The following NEK4 variants were observed in gnomAD, a reference collection of about 807,000 sequenced individuals.
NEK4 encodes the protein NIMA related kinase 4.
A neutral mutation model predicts 98.4 loss-of-function variants in NEK4; 86 were observed. The observed-to-expected ratio is 0.87, with a 90% CI of 0.73 to 1.05. NEK4 has a LOEUF of 1.05. Among genes scored for constraint, NEK4 ranks in the 50% least tolerant of loss-of-function variants. The probability of loss-of-function intolerance (pLI) is 0.00; values close to 1 mark genes in which losing one functional copy is unlikely to be tolerated. For synonymous variants in NEK4, 328 were observed against 342.2 expected (o/e 0.96, Z 0.46); for missense variants, 898 against 950.3 (o/e 0.94, Z 0.72).
Position 52,765,917 on chromosome 3 carries a change from ATT to A in NEK4, c.634_635del (p.Asn212PhefsTer8). The A allele has an allele frequency of 6.2e-7, 1 of 1,606,428 alleles. No individual in the cohort carries two copies. Among genetic ancestry groups the A allele is most frequent in the Non-Finnish European group, 8.5e-7 (1 of 1,173,084 alleles). On this transcript the variant is annotated frameshift_variant, in exon 4 of 16. Coordinates refer to ENST00000233027, the MANE Select transcript of NEK4 (RefSeq NM_003157.6). LOFTEE classifies it high-confidence loss of function. ...CTTCAATAATCCGATAAACTAAAGA[ATT>A]CATATCTTTTGCATTGAAAGCATGC... ...LKHAFNAKDMNSLVYRIIEGK... is the reference protein window; with the variant it reads ...LKHAFNAKDMXSLVYRIIEGK...
intron 15 of NEK4, among the ~76,000 whole-genome samples, chr3:52,724,211 G>A (rs1043001603): frequency 1.2e-4 from 17 of 140,374 alleles, no homozygotes; most frequent in South Asian, 4.4e-4. Context: ...CCACCCTGGG[G>A]ACAGTGAGAC....
At chr3:52,744,050 C>G (rs1444924035) in intron 11 of NEK4, among the ~76,000 whole-genome samples, 189 bp downstream of exon 11, 2 of 152,150 alleles carry the variant, frequency 1.3e-5, no homozygotes, top group Non-Finnish European at 2.9e-5. Flanking sequence ...ATATTTGAAC[C>G]ACATTCAACA....
intron 6 of NEK4, chr3:52,753,406 G>A (rs184256996): frequency 8.4e-6 from 3 of 356,126 alleles, no homozygotes; most frequent in African/African-American, 6.4e-5. Context: ...TAGGCAGCTG[G>A]GAACTCTACA....
chr3:52,748,157 C>T (rs372735287), intron 8 of NEK4, among the ~76,000 whole-genome samples: 13 of 150,118 alleles, frequency 8.7e-5, no homozygotes, highest in Non-Finnish European at 1.8e-4. Flanking sequence ...TTAGTAGAGA[C>T]GGCGTTTCAC....
At chr3:52,767,141 C>G (rs1698597362) in intron 2 of NEK4, among the ~76,000 whole-genome samples, 1 of 151,728 alleles carries the variant, frequency 6.6e-6, no homozygotes, top group Non-Finnish European at 1.5e-5. Flanking sequence ...CAAAAATTAG[C>G]TGGGCATGGT....
At chr3:52,712,536 G>A (rs2154101675) in intron 15 of NEK4, among the ~76,000 whole-genome samples, 1 of 152,338 alleles carries the variant, frequency 6.6e-6, no homozygotes, top group South Asian at 2.1e-4. Context: ...CAAGGACAGA[G>A]GGCTTTTGTA....
intron 1 of NEK4, 36 bp downstream of exon 1, chr3:52,770,618 C>CCCCCCCCCCCCCTGCCCG: frequency 6.9e-7 from 1 of 1,444,518 alleles, no homozygotes; most frequent in Non-Finnish European, 9.5e-7. Context: ...CACTTCTGCC[C>CCCCCCCCCCCCCTGCCCG]GCCCCCGCCC....
Position 52,768,352 on chromosome 3 carries a change from C to T in NEK4, c.346G>A (p.Ala116Thr), listed in dbSNP as rs1252996831. The T allele has an allele frequency of 6.2e-6, 10 of 1,614,120 alleles. No homozygotes were observed. Among genetic ancestry groups the T allele is most frequent in the South Asian group, 2.2e-5 (2 of 91,074 alleles). ...NQVVEWFVQIAMALQYLHEKH... is the reference protein window; with the variant it reads ...NQVVEWFVQITMALQYLHEKH... ...CTACACAGTACCTGCAAAGCCATGG[C>T]GATCTGTACAAACCACTCTACCACC... Residue 116 changes from alanine (A) to threonine (T), a missense_variant, in exon 2 of 16, where the codon GCC becomes ACC. Physicochemically the swap from Ala to Thr is moderately conservative, Grantham distance 58. Transcript: ENST00000233027.
At chr3:52,759,958 C>A (rs1698298149) in intron 6 of NEK4, among the ~76,000 whole-genome samples, 1 of 134,684 alleles carries the variant, frequency 7.4e-6, no homozygotes. Context: ...GTGGAAGACA[C>A]CAGAAACAAA....
intron 4 of NEK4, among the ~76,000 whole-genome samples, chr3:52,764,629 T>C (rs1467221367): frequency 2.7e-5 from 4 of 149,220 alleles, no homozygotes; most frequent in African/African-American, 9.9e-5. Context: ...AGACTCTGTC[T>C]CAAAAAAAAA....
intron 6 of NEK4, among the ~76,000 whole-genome samples, chr3:52,759,394 C>A (rs570668861): frequency 1.5e-5 from 2 of 129,580 alleles, no homozygotes; most frequent in South Asian, 4.6e-4. Flanking sequence ...GAGCAAGACC[C>A]TGTATCAAAA....
rs369760974 is a variant in NEK4 at position 52,765,735 on chromosome 3, T to A, written c.666+152A>T. ...CAATCCCTTTTCCTCTAGTCTGACC[T>A]TCCCCACAGAAGGGACCCACCATTG... is the stretch of plus-strand genomic sequence containing the variant. On this transcript the variant is annotated intron_variant, in intron 4 of 15. Coordinates refer to ENST00000233027, the MANE Select transcript of NEK4 (RefSeq NM_003157.6). 54 of 575,770 alleles carry A rather than the reference T, an allele frequency of 9.4e-5. No homozygotes were observed. In the African/African-American group the frequency reaches 9.6e-4, roughly 10 times the overall value. 35.7% of individuals were successfully genotyped at this position (575,770 alleles called of 1,614,324 possible).
chr3:52,765,320 C>T (rs1258500190), intron 4 of NEK4, among the ~76,000 whole-genome samples: 2 of 147,282 alleles, frequency 1.4e-5, no homozygotes, highest in African/African-American at 5.0e-5. Context: ...CATTGCACTC[C>T]AGCCTGGGAG....
intron 13 of NEK4, among the ~76,000 whole-genome samples, chr3:52,740,666 C>A (rs2097384268): frequency 6.6e-6 from 1 of 151,878 alleles, no homozygotes; most frequent in Non-Finnish European, 1.5e-5. Context: ...GGGCGAGTGC[C>A]TGTAATCCCA....
chr3:52,752,428 T>G, intron 6 of NEK4, 92 bp from the exon 7 acceptor site: 1 of 1,239,128 alleles, frequency 8.1e-7, no homozygotes, highest in Non-Finnish European at 1.1e-6. Flanking sequence ...CTCAAAAAGT[T>G]AAACATAGAA....
At chr3:52,740,224 T>C (rs1320921620) in intron 13 of NEK4, among the ~76,000 whole-genome samples, 1 of 152,006 alleles carries the variant, frequency 6.6e-6, no homozygotes, top group Admixed American at 6.6e-5. Flanking sequence ...AATCAGTTAA[T>C]AGAAACATAT....
chr3:52,760,425 C>A (rs1203032580), intron 6 of NEK4, among the ~76,000 whole-genome samples: 1 of 152,168 alleles, frequency 6.6e-6, no homozygotes, highest in Admixed American at 6.5e-5. Context: ...CCATGTTGGC[C>A]AGGCTGGTCT....
At chr3:52,754,499 C>A in intron 6 of NEK4, 1 of 868,944 alleles carries the variant, frequency 1.2e-6, no homozygotes, top group Non-Finnish European at 1.9e-6. Flanking sequence ...TCTGTCTGAC[C>A]AATTTAAAAT....
intron 6 of NEK4, among the ~76,000 whole-genome samples, chr3:52,752,933 T>TACACACACACACAC (rs71087017): frequency 2.4e-3 from 180 of 75,214 alleles, no homozygotes; most frequent in South Asian, 0.013. Flanking sequence ...TATATATATA[T>TACACACACACACAC]ACACACACAC....
Sources: gnomAD v4.1 joint callset for allele counts (sites outside exome capture counted in the v4.1 genomes callset) on GRCh38, gnomAD v4.1.1 for gene constraint, MANE v1.5 for transcripts, NCBI Gene and HGNC (gene_info 2026-07-23, HGNC 2026-07-21) for gene names.